Variants in TDRP observed in about 807,000 individuals in gnomAD.
TDRP encodes the protein testis development related protein.
TDRP carries 12 observed loss-of-function variants against 10.5 expected under a neutral mutation model. The observed-to-expected ratio is 1.15, with a 90% CI of 0.73 to 1.86. The LOEUF (loss-of-function observed/expected upper bound fraction) is 1.86, where lower values mean the gene tolerates loss of function less well. TDRP is among the 40% of genes most tolerant of loss of function. The pLI is 0.00. For synonymous variants in TDRP, 139 were observed against 95.4 expected (o/e 1.46, Z -2.67); for missense variants, 353 against 229.2 (o/e 1.54, Z -3.49).
At chr8:500,429 A>C (rs1182194729) in intron 1 of TDRP, among the ~76,000 whole-genome samples, 1 of 152,150 alleles carries the variant, frequency 6.6e-6, no homozygotes, top group African/African-American at 2.4e-5. Context: ...ATGAGCACAG[A>C]GCTTGGGTGT....
At chr8:500,138 T>C (rs1483016034) in intron 1 of TDRP, among the ~76,000 whole-genome samples, 1 of 152,100 alleles carries the variant, frequency 6.6e-6, no homozygotes, top group Non-Finnish European at 1.5e-5. Flanking sequence ...GCCACAGAAA[T>C]GAGAAAGTAA....
At position 538,829 on chromosome 8, in the gene TDRP, T is replaced by G. The variant is rs142365809; in HGVS notation, c.108+5821A>C. On this transcript the variant is annotated intron_variant, in intron 1 of 2. Coordinates refer to ENST00000324079, the MANE Select transcript of TDRP (RefSeq NM_001384899.1). ...CATTAAGATGCAACTTTTCCCCCCATCAGATCTAAAATCTTGAAGACATGC... is the reference window on the plus strand; with the variant it reads ...CATTAAGATGCAACTTTTCCCCCCAGCAGATCTAAAATCTTGAAGACATGC... Among the ~76,000 whole-genome samples the G allele has an allele frequency of 4.3e-4, 66 of 152,322 alleles. 1 individual carries two copies. The highest frequency in any genetic ancestry group is 6.8e-3 in the Middle Eastern group (2 of 294).
At chr8:544,336 C>CG (rs1802578727) in intron 1 of TDRP, among the ~76,000 whole-genome samples, 1 of 151,992 alleles carries the variant, frequency 6.6e-6, no homozygotes, top group Non-Finnish European at 1.5e-5. Flanking sequence ...GACTGCGCCC[C>CG]GAGTAACACG....
chr8:532,360 G>A (rs1355242172), intron 1 of TDRP, among the ~76,000 whole-genome samples: 2 of 152,158 alleles, frequency 1.3e-5, no homozygotes, highest in Non-Finnish European at 2.9e-5. Context: ...TCTCAGAAGG[G>A]CACATATTAG....
chr8:493,856 T>TA (rs895648986), intron 2 of TDRP, among the ~76,000 whole-genome samples: 1 of 152,176 alleles, frequency 6.6e-6, no homozygotes, highest in African/African-American at 2.4e-5. Flanking sequence ...GCTTTAAGGC[T>TA]AATAAGTTCA....
chr8:506,721 G>T (rs1292540825), intron 1 of TDRP, among the ~76,000 whole-genome samples: 1 of 152,226 alleles, frequency 6.6e-6, no homozygotes, highest in Non-Finnish European at 1.5e-5. Flanking sequence ...CAGCTCCAGA[G>T]TCTTGGCTGA....
chr8:529,466 G>GT (rs996023003), intron 1 of TDRP, among the ~76,000 whole-genome samples: 1 of 152,088 alleles, frequency 6.6e-6, no homozygotes, highest in African/African-American at 2.4e-5. Flanking sequence ...TTACCAGAGA[G>GT]TTTTTTCATA....
intron 1 of TDRP, among the ~76,000 whole-genome samples, chr8:518,561 A>C (rs1269261761): frequency 6.6e-6 from 1 of 152,226 alleles, no homozygotes; most frequent in Admixed American, 6.5e-5. Context: ...GAAAAAGAAC[A>C]AAAGTCTAGG....
intron 1 of TDRP, among the ~76,000 whole-genome samples, chr8:507,160 GACTC>G (rs759850733): frequency 1.2e-3 from 180 of 152,118 alleles, no homozygotes; most frequent in Non-Finnish European, 1.7e-3. Context: ...GATCTCATGA[GACTC>G]ACTCACTATC....
Position 491,985 on chromosome 8 carries a change from A to C in TDRP, c.*414T>G. 1 of 1,119,992 alleles carries C rather than the reference A, an allele frequency of 8.9e-7. No individual in the cohort carries two copies. The highest frequency in any genetic ancestry group is 1.1e-6 in the Non-Finnish European group (1 of 918,126). 69.4% of individuals were successfully genotyped at this position (1,119,992 alleles called of 1,614,324 possible). ...TCCTGACTAATTTTCTAGCAAAAGA[A>C]AAGAACTGCATGACAGCTGCATTTA... On this transcript the variant is annotated 3_prime_UTR_variant, in exon 3 of 3. Coordinates refer to ENST00000324079, the MANE Select transcript of TDRP (RefSeq NM_001384899.1).
intron 1 of TDRP, among the ~76,000 whole-genome samples, chr8:538,370 G>A (rs143995316): frequency 6.6e-6 from 1 of 152,180 alleles, no homozygotes; most frequent in African/African-American, 2.4e-5. Context: ...GACTAAAGCT[G>A]GGTCAGATAG....
chr8:501,171 A>G lies in TDRP; in HGVS notation c.109-6574T>C, dbSNP rs1294416956. ...CAGTGAGCTGAGATCGCGCCACTGC[A>G]CTCCAGCCTGGGCGACAGAGTGAGA... On this transcript the variant is annotated intron_variant, in intron 1 of 2. Transcript: ENST00000324079. Among the ~76,000 whole-genome samples the G allele has an allele frequency of 2.6e-5, 4 of 151,500 alleles. No homozygotes were observed. In the East Asian group the frequency reaches 6.0e-4, roughly 23 times the overall value.
chr8:518,337 A>C (rs918933403), intron 1 of TDRP, among the ~76,000 whole-genome samples: 1 of 152,228 alleles, frequency 6.6e-6, no homozygotes, highest in African/African-American at 2.4e-5. Flanking sequence ...CTGGCTCAAT[A>C]ACACACACAA....
intron 1 of TDRP, among the ~76,000 whole-genome samples, chr8:544,228 G>A (rs1480299786): frequency 6.6e-6 from 1 of 152,140 alleles, no homozygotes; most frequent in Admixed American, 6.5e-5. Flanking sequence ...TTCTCCGCCA[G>A]CTCCACCCGG....
At position 491,876 on chromosome 8, in the gene TDRP, G is replaced by A. The variant is rs1361609338; in HGVS notation, c.*523C>T. ...TATAAGCTTTGCTTTTCCAGTATTT[G>A]TTTACGTATTTGTTTAATAAGAACA... On this transcript the variant is annotated 3_prime_UTR_variant, in exon 3 of 3. Transcript: ENST00000324079. The A allele has an allele frequency of 8.4e-7, 1 of 1,195,512 alleles. No homozygotes were observed. The highest frequency in any genetic ancestry group is 1.0e-6 in the Non-Finnish European group (1 of 964,774). 74.1% of individuals were successfully genotyped at this position (1,195,512 alleles called of 1,614,324 possible).
intron 1 of TDRP, among the ~76,000 whole-genome samples, chr8:528,823 G>A (rs1802106022): frequency 6.6e-6 from 1 of 150,830 alleles, no homozygotes; most frequent in African/African-American, 2.4e-5. Context: ...GTGTGTATAT[G>A]TGTGTATATA....
chr8:533,674 T>C (rs889068408), intron 1 of TDRP, among the ~76,000 whole-genome samples: 5 of 152,298 alleles, frequency 3.3e-5, no homozygotes, highest in African/African-American at 1.2e-4. Context: ...AAATGAAGCC[T>C]CCACTCCTTA....
chr8:522,275 T>C (rs546612127), intron 1 of TDRP, among the ~76,000 whole-genome samples: 2 of 152,304 alleles, frequency 1.3e-5, no homozygotes, highest in South Asian at 2.1e-4. Flanking sequence ...ACTGGCCCCT[T>C]TGTCATTATG....
intron 1 of TDRP, among the ~76,000 whole-genome samples, chr8:525,342 T>G (rs974520134): frequency 2.0e-5 from 3 of 152,166 alleles, no homozygotes; most frequent in African/African-American, 7.2e-5. Context: ...GAAAAGGATG[T>G]TAATTAGAAA....
Sources: allele counts gnomAD v4.1 joint callset (sites outside exome capture counted in the v4.1 genomes callset), GRCh38; gene constraint gnomAD v4.1.1; transcripts MANE v1.5; gene names NCBI Gene and HGNC (gene_info 2026-07-23, HGNC 2026-07-21).